Variants in ARSH observed in about 807,000 individuals in gnomAD.
The protein encoded by ARSH is arylsulfatase family member H.
ARSH carries 32 observed loss-of-function variants against 28.7 expected under a neutral mutation model. The observed-to-expected ratio is 1.11, with a 90% CI of 0.84 to 1.50. The LOEUF (loss-of-function observed/expected upper bound fraction) is 1.50, where lower values mean the gene tolerates loss of function less well. ARSH is among the 40% of genes most tolerant of loss of function. The pLI is 0.00. For synonymous variants in ARSH, 176 were observed against 177.3 expected, an observed-to-expected ratio of 0.99 and a Z score of 0.06; for missense variants, 440 against 452.4, an observed-to-expected ratio of 0.97 and a Z score of 0.25.
At chrX:3,015,985 C>T (rs2089865265) in intron 4 of ARSH, among the ~76,000 whole-genome samples, 1 of 109,948 alleles carries the variant, frequency 9.1e-6, no homozygotes, top group Non-Finnish European at 1.9e-5. Flanking sequence ...TGCTCACCTC[C>T]CCATTTTTAA....
chrX:3,020,838 G>A (rs1364764656), intron 5 of ARSH, among the ~76,000 whole-genome samples: 1 of 110,134 alleles, frequency 9.1e-6, no homozygotes, highest in Admixed American at 9.8e-5. Context: ...TACACACCCA[G>A]CTGCAGTTAT....
rs371725583 is a variant in ARSH, at chrX:3,018,015, G to A, written c.765-519G>A. On this transcript the variant is annotated intron_variant, in intron 4 of 8. Coordinates refer to ENST00000381130, the MANE Select transcript of ARSH (RefSeq NM_001011719.2). ...TGCGTTAAACATTTTTGTTGTTGTT[G>A]TTAAGACAGGGTCTCACTGCGTTGC... is the stretch of plus-strand genomic sequence containing the variant. Among the ~76,000 whole-genome samples the A allele has an allele frequency of 1.4e-4, 16 of 112,279 alleles. No homozygotes were observed. In the East Asian group the frequency reaches 4.5e-3, roughly 31 times the overall value.
At position 3,006,573 on chromosome X, in the gene ARSH, G is replaced by A. The variant is rs2089827635; in HGVS notation, c.-40G>A. 5.4e-6 allele frequency: 6 copies of A among 1,120,821 alleles called. No homozygotes were observed. In the Admixed American group the frequency reaches 1.3e-4, roughly 25 times the overall value. 92.4% of individuals were successfully genotyped at this position (1,120,821 alleles called of 1,213,427 possible). A position where few individuals can be genotyped will look rare whatever the true frequency, so the allele number is the denominator to read the frequency against. Reference sequence around the variant, plus strand: ...CTTTCAGGAGCTGCTGGCTGTCAGTGTCCCTGTGCTGTTTGTTTTGCGGTG... The same window carrying A: ...CTTTCAGGAGCTGCTGGCTGTCAGTATCCCTGTGCTGTTTGTTTTGCGGTG... On this transcript the variant is annotated 5_prime_UTR_variant, in exon 1 of 9. Transcript: ENST00000381130.
At chrX:3,010,361 G>A (rs952231733) in intron 2 of ARSH, among the ~76,000 whole-genome samples, 2 of 111,560 alleles carry the variant, frequency 1.8e-5, no homozygotes, top group African/African-American at 6.5e-5. Flanking sequence ...TATAGCGACA[G>A]GGTTTAGGCC....
intron 5 of ARSH, 35 bp from the exon 6 acceptor site, chrX:3,023,986 G>A: frequency 8.3e-7 from 1 of 1,206,582 alleles, no homozygotes; most frequent in Non-Finnish European, 1.1e-6. Context: ...TCTGCATCAA[G>A]AGGTCAACGT....
chrX:3,029,434 C>T, intron 8 of ARSH, 66 bp downstream of exon 8: 2 of 1,149,720 alleles, frequency 1.7e-6, no homozygotes, highest in African/African-American at 1.8e-5. Flanking sequence ...CCTTCGTCTC[C>T]TGGCGGAAGC....
intron 3 of ARSH, 35 bp downstream of exon 3, chrX:3,013,207 T>C: frequency 8.4e-7 from 1 of 1,185,045 alleles, no homozygotes; most frequent in Non-Finnish European, 1.1e-6. Context: ...GGAAACGTGA[T>C]CCTGCAGCCT....
chrX:3,006,728 C>T, intron 1 of ARSH, 24 bp downstream of exon 1: 1 of 1,142,976 alleles, frequency 8.7e-7, no homozygotes, highest in Non-Finnish European at 1.2e-6. Context: ...CTGACCCCCT[C>T]CCTGTATGTG....
At chrX:3,025,214 A>T (rs1163635388) in intron 6 of ARSH, among the ~76,000 whole-genome samples, 2 of 107,695 alleles carry the variant, frequency 1.9e-5, no homozygotes, top group African/African-American at 6.7e-5. Context: ...TATATTCATT[A>T]TATATAATAC....
At chrX:3,011,874 T>G (rs1488017849) in intron 2 of ARSH, among the ~76,000 whole-genome samples, 2 of 111,448 alleles carry the variant, frequency 1.8e-5, no homozygotes. Flanking sequence ...TGGAGTTTCC[T>G]TCTTGTCACC....
rs138378007 is a variant in ARSH at position 3,006,624 on chromosome X, C to T, written c.12C>T (p.Asn4=). Reference sequence around the variant, plus strand: ...TTGATGGCACATTTATGACAAGAAACGCCAGACCCAACATTGTCCTGCTGA... The same window carrying T: ...TTGATGGCACATTTATGACAAGAAATGCCAGACCCAACATTGTCCTGCTGA... MTR[N]ARPNIVLLMA... Residue 4 remains asparagine (N), a synonymous_variant, in exon 1 of 9, where the codon AAC becomes AAT. Coordinates refer to ENST00000381130, the MANE Select transcript of ARSH (RefSeq NM_001011719.2). 4.6e-5 allele frequency: 55 copies of T among 1,208,656 alleles called. No individual in the cohort carries two copies. The highest frequency in any genetic ancestry group is 1.8e-4 in the African/African-American group (10 of 56,972).
Position 3,015,056 on chromosome X carries a change from G to T in ARSH, c.427G>T (p.Val143Leu). ...LNHGFHYFYG[V>L]PFGLLSDCQA... ...CCATGGTTTTCACTACTTTTACGGG[G>T]TGCCTTTTGGACTTTTAAGCGACTG... The change falls in exon 4 of 9, where the codon GTG becomes TTG. Residue 143 changes from valine to leucine, a missense_variant. Coordinates refer to ENST00000381130, the MANE Select transcript of ARSH (RefSeq NM_001011719.2). 1 of 1,210,913 alleles carries T rather than the reference G, an allele frequency of 8.3e-7. No individual in the cohort carries two copies. The highest frequency in any genetic ancestry group is 1.1e-6 in the Non-Finnish European group (1 of 895,235).
chrX:3,029,868 A>T (rs758261201), intron 8 of ARSH, among the ~76,000 whole-genome samples: 1 of 110,875 alleles, frequency 9.0e-6, no homozygotes, highest in Non-Finnish European at 1.9e-5. Context: ...TGTGAGAGAG[A>T]TTTGTGCCCA....
chrX:3,012,994 A>G, intron 2 of ARSH, 53 bp from the exon 3 acceptor site: 1 of 1,165,102 alleles, frequency 8.6e-7, no homozygotes, highest in Non-Finnish European at 1.2e-6. Context: ...GTCGGGATAA[A>G]TTCGGTATTA....
chrX:3,019,046 C>G (rs1472439062), intron 5 of ARSH, among the ~76,000 whole-genome samples: 1 of 111,224 alleles, frequency 9.0e-6, no homozygotes, highest in Admixed American at 9.7e-5. Context: ...TGGCAGATCA[C>G]TTGAGGTCAG....
chrX:3,033,222 A>AGAT lies in ARSH; in HGVS notation c.1528_1530dup (p.Met510dup). 3.3e-6 allele frequency: 4 copies of AGAT among 1,211,620 alleles called. No homozygotes were observed. The highest frequency in any genetic ancestry group is 4.5e-6 in the Non-Finnish European group (4 of 895,420). ...CCATTATTTGACTCCGTGATCAAAA[A>AGAT]GATGGAGGCAGCCATAAGAGAGCAT... On this transcript the variant is annotated inframe_insertion, in exon 9 of 9. Coordinates refer to ENST00000381130, the MANE Select transcript of ARSH (RefSeq NM_001011719.2).
At chrX:3,011,618 A>G (rs1321319618) in intron 2 of ARSH, among the ~76,000 whole-genome samples, 1 of 111,867 alleles carries the variant, frequency 8.9e-6, no homozygotes, top group East Asian at 2.8e-4. Flanking sequence ...TAAGAAAAAA[A>G]TTAGGTGATT....
intron 6 of ARSH, among the ~76,000 whole-genome samples, chrX:3,026,878 G>A (rs1478452875): frequency 9.0e-6 from 1 of 110,611 alleles, no homozygotes; most frequent in African/African-American, 3.3e-5. Flanking sequence ...TGGAGACAGA[G>A]TCTCACCCTG....
intron 5 of ARSH, among the ~76,000 whole-genome samples, chrX:3,021,669 T>A (rs1383395299): frequency 9.2e-6 from 1 of 108,123 alleles, no homozygotes; most frequent in Non-Finnish European, 1.9e-5. Context: ...AACTTTCCAA[T>A]GAAAGAAACT....
Sources: allele counts gnomAD v4.1 joint callset (sites outside exome capture counted in the v4.1 genomes callset), GRCh38; gene constraint gnomAD v4.1.1; transcripts MANE v1.5; gene names NCBI Gene and HGNC (gene_info 2026-07-23, HGNC 2026-07-21).